PKP4: variants seen among roughly 807,000 people sequenced by gnomAD.
PKP4 encodes plakophilin 4.
PKP4 carries 90 observed loss-of-function variants against 145.1 expected under a neutral mutation model. That is an observed-to-expected ratio of 0.62 (90% CI 0.52 to 0.74). The LOEUF is 0.74. Ranked by LOEUF, PKP4 falls within the 30% of genes least tolerant of loss-of-function variation. PKP4 has a pLI of 0.00. For synonymous variants in PKP4, 563 were observed against 577.2 expected, an observed-to-expected ratio of 0.98 and a Z score of 0.35; for missense variants, 1,340 against 1,482.7, an observed-to-expected ratio of 0.90 and a Z score of 1.58.
intron 1 of PKP4, among the ~76,000 whole-genome samples, chr2:158,483,603 G>A (rs1353429012): frequency 6.6e-6 from 1 of 151,978 alleles, no homozygotes; most frequent in African/African-American, 2.4e-5. Flanking sequence ...GTATTAAATG[G>A]TGTTTGGGGG....
At chr2:158,457,798 AC>A in intron 1 of PKP4, 1 of 152,630 alleles carries the variant, frequency 6.6e-6, no homozygotes, top group Non-Finnish European at 1.5e-5. Flanking sequence ...GGTCCTGCCC[AC>A]CCCTCTGCCT....
At chr2:158,564,415 T>C in intron 2 of PKP4, among the ~76,000 whole-genome samples, 1 of 152,226 alleles carries the variant, frequency 6.6e-6, no homozygotes, top group East Asian at 1.9e-4. Flanking sequence ...GTTACAATAT[T>C]ACTATGTGGA....
intron 3 of PKP4, among the ~76,000 whole-genome samples, chr2:158,596,627 TAA>T (rs3836166): frequency 1.4e-5 from 2 of 145,444 alleles, no homozygotes; most frequent in African/African-American, 2.5e-5. Context: ...CTTGTCTCTT[TAA>T]AAAAAAAAAA....
chr2:158,511,839 G>A lies in PKP4; in HGVS notation c.-5-21341G>A, dbSNP rs1161995116. ...GAAGTAGAAGCACATGCAAACACAGGCTAGTCATGAAAGATACCCTACTCT... is the reference window on the plus strand; with the variant it reads ...GAAGTAGAAGCACATGCAAACACAGACTAGTCATGAAAGATACCCTACTCT... On this transcript the variant is annotated intron_variant, in intron 1 of 21. Coordinates refer to ENST00000389759, the MANE Select transcript of PKP4 (RefSeq NM_003628.6). 3.3e-5 allele frequency among the ~76,000 whole-genome samples: 5 copies of A among 152,036 alleles called. No individual in the cohort carries two copies. In the East Asian group the frequency reaches 7.7e-4, roughly 24 times the overall value.
At chr2:158,664,248 C>T (rs2105986717) in intron 15 of PKP4, among the ~76,000 whole-genome samples, 1 of 152,302 alleles carries the variant, frequency 6.6e-6, no homozygotes, top group South Asian at 2.1e-4. Flanking sequence ...ACAGGTTGGG[C>T]AGCACTGTGG....
intron 1 of PKP4, among the ~76,000 whole-genome samples, chr2:158,490,277 G>A (rs865790052): frequency 1.3e-5 from 2 of 150,946 alleles, no homozygotes; most frequent in South Asian, 4.2e-4. Context: ...AGAGGATTTA[G>A]AGCTTTTGTT....
At chr2:158,492,042 G>C (rs1257439454) in intron 1 of PKP4, among the ~76,000 whole-genome samples, 1 of 152,098 alleles carries the variant, frequency 6.6e-6, no homozygotes, top group Non-Finnish European at 1.5e-5. Flanking sequence ...CCTCTAGGCT[G>C]AAATAGTCCT....
At position 158,591,535 on chromosome 2, in the gene PKP4, A is replaced by G. The variant is rs149042105; in HGVS notation, c.246-11535A>G. ...GTAATAAATACAAAGAGTGTTTGTT[A>G]TACTGTTTTTTATTGTATATATTTT... On this transcript the variant is annotated intron_variant, in intron 3 of 21. Transcript: ENST00000389759. Among the ~76,000 whole-genome samples, 1,275 of 152,136 alleles carry G rather than the reference A, an allele frequency of 8.4e-3. 17 individuals carry two copies. Among genetic ancestry groups the G allele is most frequent in the African/African-American group, 0.028 (1,168 of 41,532 alleles).
At chr2:158,603,204 C>G in intron 4 of PKP4, 100 bp downstream of exon 4, 1 of 634,908 alleles carries the variant, frequency 1.6e-6, no homozygotes. Context: ...CAAGCAAAGC[C>G]TTTAATAGTG....
At chr2:158,666,166 A>G (rs1558981933) in intron 15 of PKP4, 1 of 289,218 alleles carries the variant, frequency 3.5e-6, no homozygotes, top group Non-Finnish European at 6.4e-6. Flanking sequence ...TTTCTGCACA[A>G]AAATATCTGG....
chr2:158,516,995 T>C (rs999776264), intron 1 of PKP4, among the ~76,000 whole-genome samples: 9 of 152,194 alleles, frequency 5.9e-5, no homozygotes, highest in South Asian at 2.1e-4. Flanking sequence ...CTTATAAATA[T>C]TGTTAAATAT....
At position 158,669,731 on chromosome 2, in the gene PKP4, A is replaced by C. The variant is rs2057401426; in HGVS notation, c.2740A>C (p.Met914Leu). ...RNKELIGKYA[M>L]RDLVNRLPGG... ...TTTGCCGTTGGCAGGCAAATACGCC[A>C]TGCGAGACCTGGTCAACCGGCTCCC... The change falls in exon 17 of 22, where the codon ATG becomes CTG. Residue 914 changes from methionine (M) to leucine (L), a missense_variant. Coordinates refer to ENST00000389759, the MANE Select transcript of PKP4 (RefSeq NM_003628.6). The C allele has an allele frequency of 5.1e-6, 8 of 1,583,732 alleles. No homozygotes were observed. The highest frequency in any genetic ancestry group is 6.9e-6 in the Non-Finnish European group (8 of 1,161,590).
chr2:158,621,495 C>T, intron 6 of PKP4, 74 bp downstream of exon 6: 1 of 1,332,866 alleles, frequency 7.5e-7, no homozygotes, highest in Non-Finnish European at 1.1e-6. Context: ...CCTGTAATCC[C>T]AGCATTTTGG....
chr2:158,603,081 AG>A lies in PKP4; in HGVS notation c.258del (p.Lys86AsnfsTer15), dbSNP rs1271533974. ...TTCTTTTTCTTTAGCTCAACTGAGA[AG>A]TCATTTCCTTGGAGATCAACAGGTA... The part of the protein sequence containing the change: ...PSIASTSSTE[K>X]SFPWRSTDVP... On this transcript the variant is annotated frameshift_variant, in exon 4 of 22. Transcript: ENST00000389759. LOFTEE classifies it high-confidence loss of function. 2.0e-6 allele frequency: 3 copies of A among 1,491,196 alleles called. No individual in the cohort carries two copies. The African/African-American group carries it at 4.3e-5, about 21-fold the overall frequency. The allele number at this position is 1,491,196 out of a possible 1,614,324, so 92.4% of individuals were successfully genotyped here.
rs200371674 is a variant in PKP4, at chr2:158,661,442, G to A, written c.2203G>A (p.Asp735Asn). Residue 735 changes from aspartate (D) to asparagine (N), a missense_variant, in exon 13 of 22, where the codon GAC becomes AAC. Physicochemically the swap from Asp to Asn is conservative, Grantham distance 23. Transcript: ENST00000389759. ...IHTCVNTSDY[D>N]SKTVENCVCT... ...CACGTGTGTGAACACATCCGATTAC[G>A]ACAGCAAGGTCAGTGCCGGCCTGGT... is the stretch of plus-strand genomic sequence containing the variant. The A allele has an allele frequency of 3.0e-4, 487 of 1,606,968 alleles. 2 individuals are homozygous for A. The highest frequency in any genetic ancestry group is 5.4e-5 in the Non-Finnish European group (63 of 1,173,866).
intron 1 of PKP4, among the ~76,000 whole-genome samples, chr2:158,502,697 A>C (rs540476521): frequency 6.6e-6 from 1 of 152,200 alleles, no homozygotes; most frequent in Admixed American, 6.5e-5. Flanking sequence ...GAACTGCCCA[A>C]TTGCAATTGG....
At chr2:158,617,519 C>T (rs752360324) in intron 4 of PKP4, among the ~76,000 whole-genome samples, 13 of 152,176 alleles carry the variant, frequency 8.5e-5, no homozygotes, top group Non-Finnish European at 1.9e-4. Context: ...CTATATACCT[C>T]TTCTCTAGTG....
chr2:158,465,974 C>G (rs1232114628), intron 1 of PKP4, among the ~76,000 whole-genome samples: 1 of 152,210 alleles, frequency 6.6e-6, no homozygotes, highest in Non-Finnish European at 1.5e-5. Context: ...CGGCAAGTGT[C>G]AGTCTTCCAA....
intron 3 of PKP4, among the ~76,000 whole-genome samples, chr2:158,590,353 G>GTGTGTAT (rs2049158746): frequency 7.4e-6 from 1 of 135,412 alleles, no homozygotes; most frequent in Non-Finnish European, 1.6e-5. Flanking sequence ...GTGTGTGTGT[G>GTGTGTAT]TGTGTATTGT....
Sources: gnomAD v4.1 joint callset for allele counts (sites outside exome capture counted in the v4.1 genomes callset) on GRCh38, gnomAD v4.1.1 for gene constraint, MANE v1.5 for transcripts, NCBI Gene and HGNC (gene_info 2026-07-23, HGNC 2026-07-21) for gene names.